KLF12: variants seen among roughly 807,000 people sequenced by gnomAD.
KLF12 encodes Krueppel-like factor 12.
KLF12 carries 9 observed loss-of-function variants against 37.8 expected under a neutral mutation model. That is an observed-to-expected ratio of 0.24 (90% CI 0.14 to 0.42). KLF12 has a LOEUF of 0.42. Ranked by LOEUF, KLF12 falls within the 10% of genes least tolerant of loss-of-function variation. The probability of loss-of-function intolerance (pLI) is 1.00; values close to 1 mark genes in which losing one functional copy is unlikely to be tolerated. For missense variants in KLF12, 411 were observed against 516.0 expected (o/e 0.80, Z 1.97); for synonymous variants, 208 against 202.1 (o/e 1.03, Z -0.25).
intron 1 of KLF12, among the ~76,000 whole-genome samples, chr13:74,083,645 CAA>C (rs1366922865): frequency 1.3e-5 from 2 of 152,050 alleles, no homozygotes; most frequent in Admixed American, 6.5e-5. Context: ...AGCTAATTTT[CAA>C]AAGTTTGTCC....
chr13:74,196,630 T>C, the KLF12 span, among the ~76,000 whole-genome samples: 2,632 of 152,230 alleles, frequency 0.017, 61 homozygotes, highest in African/African-American at 0.057. Flanking sequence ...GAGTTTCTGC[T>C]CCACTGGCTT....
At chr13:74,254,558 A>T in the KLF12 span, among the ~76,000 whole-genome samples, 5 of 152,134 alleles carry the variant, frequency 3.3e-5, no homozygotes, top group Non-Finnish European at 7.3e-5. Flanking sequence ...TGGGTTTTGA[A>T]CTCATTTCTA....
At chr13:74,283,705 G>A in the KLF12 span, among the ~76,000 whole-genome samples, 1 of 152,154 alleles carries the variant, frequency 6.6e-6, no homozygotes, top group Non-Finnish European at 1.5e-5. Context: ...CTGTTAAAAT[G>A]AGGATAATGA....
At chr13:74,281,996 C>G in the KLF12 span, among the ~76,000 whole-genome samples, 1 of 152,100 alleles carries the variant, frequency 6.6e-6, no homozygotes, top group African/African-American at 2.4e-5. Context: ...CACAGCTTAG[C>G]CCCCAAACAC....
chr13:74,152,237 C>T, the KLF12 span, among the ~76,000 whole-genome samples: 1 of 152,168 alleles, frequency 6.6e-6, no homozygotes, highest in Non-Finnish European at 1.5e-5. Flanking sequence ...GGCTGGTTGG[C>T]AGCAATATTA....
intron 6 of KLF12, among the ~76,000 whole-genome samples, chr13:73,748,961 T>C (rs953451499): frequency 1.3e-5 from 2 of 152,190 alleles, no homozygotes; most frequent in Admixed American, 6.5e-5. Context: ...TAAAAGCCTA[T>C]ACATTCAGTA....
chr13:74,288,894 A>T, the KLF12 span, among the ~76,000 whole-genome samples: 1 of 152,210 alleles, frequency 6.6e-6, no homozygotes. Context: ...CCACTGGTCA[A>T]CAAGCTTCCT....
intron 2 of KLF12, among the ~76,000 whole-genome samples, chr13:73,946,717 T>C (rs1266818718): frequency 6.6e-6 from 1 of 152,228 alleles, no homozygotes; most frequent in Non-Finnish European, 1.5e-5. Context: ...GCTGGGGAAC[T>C]AAGCTTCAAC....
At chr13:73,740,269 G>T (rs1402449423) in intron 6 of KLF12, among the ~76,000 whole-genome samples, 10 of 152,182 alleles carry the variant, frequency 6.6e-5, no homozygotes, top group Non-Finnish European at 1.5e-4. Context: ...GACACAGTAG[G>T]AGGGTGAGGT....
At chr13:73,887,863 T>C (rs116550565) in intron 3 of KLF12, among the ~76,000 whole-genome samples, 3,903 of 152,248 alleles carry the variant, frequency 0.026, 146 homozygotes, top group African/African-American at 0.087. Flanking sequence ...ACAGCTCTCT[T>C]AGGAAAACCA....
chr13:73,800,833 T>C (rs1045394434), intron 5 of KLF12: 1 of 152,128 alleles, frequency 6.6e-6, no homozygotes. Context: ...AGGATTCTAT[T>C]TTATTATATA....
At chr13:74,109,870 G>A (rs911157245) in intron 1 of KLF12, among the ~76,000 whole-genome samples, 2 of 152,040 alleles carry the variant, frequency 1.3e-5, no homozygotes, top group South Asian at 4.1e-4. Flanking sequence ...CAACATAGAA[G>A]CTTTTAATAA....
chr13:74,134,250 A>G (rs968967422), upstream of KLF12, among the ~76,000 whole-genome samples: 1 of 151,578 alleles, frequency 6.6e-6, no homozygotes, highest in African/African-American at 2.4e-5. Context: ...CCCCAGAAAC[A>G]AAGCCCCGCC....
chr13:74,007,052 GT>G (rs1343966025), intron 1 of KLF12, among the ~76,000 whole-genome samples: 4 of 151,998 alleles, frequency 2.6e-5, no homozygotes, highest in African/African-American at 9.7e-5. Context: ...TCTGGGAGGG[GT>G]TCCATCTCTG....
At chr13:73,754,443 G>A (rs752971779) in intron 6 of KLF12, among the ~76,000 whole-genome samples, 23 of 152,086 alleles carry the variant, frequency 1.5e-4, no homozygotes, top group Non-Finnish European at 3.2e-4. Flanking sequence ...GGCCTCTCCT[G>A]CTGCTGGCCC....
chr13:73,722,305 C>G (rs1876326629), intron 6 of KLF12, among the ~76,000 whole-genome samples: 1 of 152,176 alleles, frequency 6.6e-6, no homozygotes, highest in African/African-American at 2.4e-5. Context: ...AAGACAGATT[C>G]TATTCACATG....
intron 1 of KLF12, among the ~76,000 whole-genome samples, chr13:74,065,223 C>CGCAT (rs1555268944): frequency 4.2e-4 from 63 of 151,108 alleles, no homozygotes; most frequent in African/African-American, 1.5e-3. Flanking sequence ...CACACACACA[C>CGCAT]ATGTATATAT....
intron 5 of KLF12, among the ~76,000 whole-genome samples, chr13:73,788,962 T>C (rs918200538): frequency 9.2e-5 from 14 of 152,198 alleles, no homozygotes; most frequent in African/African-American, 3.4e-4. Context: ...TTTGTGTACA[T>C]TTCAAAATAG....
At chr13:73,831,623 G>A (rs976262862) in intron 4 of KLF12, among the ~76,000 whole-genome samples, 1 of 152,100 alleles carries the variant, frequency 6.6e-6, no homozygotes, top group Non-Finnish European at 1.5e-5. Context: ...CATCCAGAAA[G>A]ACCTTGCTGC....
Sources: gnomAD v4.1 joint callset for allele counts (sites outside exome capture counted in the v4.1 genomes callset) on GRCh38, gnomAD v4.1.1 for gene constraint, MANE v1.5 for transcripts, NCBI Gene and HGNC (gene_info 2026-07-23, HGNC 2026-07-21) for gene names.